Variants in AP1S3 observed in about 807,000 individuals in gnomAD.
AP1S3 encodes adaptor related protein complex 1 subunit sigma 3.
AP1S3 carries 10 observed loss-of-function variants against 20.9 expected under a neutral mutation model. The observed-to-expected ratio is 0.48, with a 90% CI of 0.29 to 0.81. The LOEUF (loss-of-function observed/expected upper bound fraction) is 0.81, where lower values mean the gene tolerates loss of function less well. AP1S3 is among the 30% of genes least tolerant of loss of function. The probability of loss-of-function intolerance (pLI) is 0.08; values close to 1 mark genes in which losing one functional copy is unlikely to be tolerated. For synonymous variants in AP1S3, 41 were observed against 61.5 expected (o/e 0.67, Z 1.56); for missense variants, 154 against 183.8 (o/e 0.84, Z 0.94).
intron 3 of AP1S3, among the ~76,000 whole-genome samples, chr2:223,774,612 A>G (rs774584436): frequency 1.6e-4 from 25 of 152,158 alleles, no homozygotes; most frequent in Non-Finnish European, 2.9e-4. Flanking sequence ...CAGAGGCATA[A>G]AAAGCCAGGT....
chr2:223,767,426 A>C (rs1426032081), intron 3 of AP1S3, among the ~76,000 whole-genome samples: 1 of 152,086 alleles, frequency 6.6e-6, no homozygotes, highest in East Asian at 1.9e-4. Context: ...GAAGTATTTA[A>C]GGTGTGCCTA....
intron 1 of AP1S3, among the ~76,000 whole-genome samples, chr2:223,786,728 C>A (rs1383817118): frequency 6.6e-6 from 1 of 151,928 alleles, no homozygotes; most frequent in Non-Finnish European, 1.5e-5. Context: ...ATGGTGAAAC[C>A]CCATAATCTC....
intron 1 of AP1S3, among the ~76,000 whole-genome samples, chr2:223,789,368 A>ACC (rs778042569): frequency 6.6e-6 from 1 of 150,658 alleles, no homozygotes; most frequent in African/African-American, 2.4e-5. Flanking sequence ...AATAAACTGG[A>ACC]CCCCCCCCAA....
chr2:223,761,140 T>C (rs1690344271), intron 4 of AP1S3, among the ~76,000 whole-genome samples: 1 of 152,162 alleles, frequency 6.6e-6, no homozygotes, highest in Admixed American at 6.5e-5. Flanking sequence ...CTTTAAAGGT[T>C]TGGGGCAGAC....
intron 1 of AP1S3, among the ~76,000 whole-genome samples, chr2:223,780,298 TATATATATATAGAGAGAG>T (rs1156949251): frequency 3.5e-4 from 19 of 53,550 alleles, no homozygotes; most frequent in African/African-American, 1.0e-3. Flanking sequence ...TATATATATA[TATATATATATAGAGAGAG>T]AGAGAGAGAG....
At chr2:223,781,568 T>C (rs183747156) in intron 1 of AP1S3, among the ~76,000 whole-genome samples, 2,010 of 152,096 alleles carry the variant, frequency 0.013, 22 homozygotes, top group Non-Finnish European at 0.019. Context: ...AGACCCCATA[T>C]CTATTTAAAA....
At chr2:223,829,611 T>C (rs1215836218) in intron 1 of AP1S3, among the ~76,000 whole-genome samples, 2 of 151,896 alleles carry the variant, frequency 1.3e-5, no homozygotes, top group East Asian at 3.9e-4. Flanking sequence ...GCAGAGGTTG[T>C]GATAAGCCAA....
At chr2:223,783,755 G>C (rs1204287248) in intron 1 of AP1S3, among the ~76,000 whole-genome samples, 1 of 152,166 alleles carries the variant, frequency 6.6e-6, no homozygotes, top group African/African-American at 2.4e-5. Context: ...ACCCTTACCT[G>C]TCCCCAGTAT....
intron 1 of AP1S3, among the ~76,000 whole-genome samples, chr2:223,805,175 A>G (rs1559139834): frequency 6.6e-6 from 1 of 152,224 alleles, no homozygotes; most frequent in African/African-American, 2.4e-5. Context: ...GCCGAGGCTC[A>G]CGCCTCTAAT....
chr2:223,775,014 T>TCACAAATAACAGGACAAGAGTCAG (rs1690750107), intron 3 of AP1S3, among the ~76,000 whole-genome samples: 3 of 151,624 alleles, frequency 2.0e-5, no homozygotes, highest in Non-Finnish European at 2.9e-5. Flanking sequence ...AGGAGGCGCT[T>TCACAAATAACAGGACAAGAGTCAG]CAGAAATCAA....
chr2:223,803,742 T>C (rs1574714269), intron 1 of AP1S3, among the ~76,000 whole-genome samples: 1 of 150,766 alleles, frequency 6.6e-6, no homozygotes, highest in Non-Finnish European at 1.5e-5. Flanking sequence ...TAGCCGGGAG[T>C]GGTGGCGGGA....
intron 4 of AP1S3, among the ~76,000 whole-genome samples, chr2:223,762,434 G>A (rs1002952337): frequency 6.6e-6 from 1 of 151,958 alleles, no homozygotes. Context: ...CACCACACCT[G>A]GCTAATTTTT....
chr2:223,761,434 CT>C (rs1019489850), intron 4 of AP1S3, among the ~76,000 whole-genome samples: 3 of 151,910 alleles, frequency 2.0e-5, no homozygotes, highest in African/African-American at 7.3e-5. Flanking sequence ...CCCTCCCCTT[CT>C]TTTTTTTGAG....
intron 1 of AP1S3, among the ~76,000 whole-genome samples, chr2:223,786,612 T>G (rs897144479): frequency 1.4e-5 from 2 of 147,230 alleles, no homozygotes; most frequent in Non-Finnish European, 3.0e-5. Context: ...GTTATTAAAT[T>G]AAAAAAAAAA....
In AP1S3 at chr2:223,800,402, C is replaced by T. The variant is rs140949472; in HGVS notation, c.4-22533G>A. Among the ~76,000 whole-genome samples the T allele has an allele frequency of 2.0e-4, 30 of 152,058 alleles. No individual in the cohort carries two copies. In the East Asian group the frequency reaches 5.4e-3, roughly 27 times the overall value. On this transcript the variant is annotated intron_variant, in intron 1 of 4. Transcript: ENST00000396654. The stretch of plus-strand genomic sequence containing the variant: ...AAATAAATAGCCAGGCATGGTGACG[C>T]ACACTTGTAGTACTACATACTCAGG...
At chr2:223,780,290 TATATATATATATATATATAGAGAGAG>T (rs1559280615) in intron 1 of AP1S3, among the ~76,000 whole-genome samples, 4 of 42,958 alleles carry the variant, frequency 9.3e-5, no homozygotes, top group East Asian at 7.4e-4. Context: ...TATATATATA[TATATATATATATATATATAGAGAGAG>T]AGAGAGAGAG....
chr2:223,793,179 C>A (rs1691248905), intron 1 of AP1S3, among the ~76,000 whole-genome samples: 1 of 152,154 alleles, frequency 6.6e-6, no homozygotes, highest in African/African-American at 2.4e-5. Flanking sequence ...CCTCAAAGAC[C>A]TACAGGCAGA....
intron 4 of AP1S3, 28 bp downstream of exon 4, chr2:223,765,185 C>A (rs1362432348): frequency 1.3e-6 from 2 of 1,485,618 alleles, no homozygotes; most frequent in Admixed American, 2.0e-5. Context: ...CATCATCTTT[C>A]TCCCATGGTT....
intron 1 of AP1S3, among the ~76,000 whole-genome samples, chr2:223,785,015 T>C (rs1023934677): frequency 6.6e-6 from 1 of 152,270 alleles, no homozygotes; most frequent in East Asian, 1.9e-4. Flanking sequence ...TACTAAATAG[T>C]TTCAACAAAG....
Sources: allele counts gnomAD v4.1 joint callset (sites outside exome capture counted in the v4.1 genomes callset), GRCh38; gene constraint gnomAD v4.1.1; transcripts MANE v1.5; gene names NCBI Gene and HGNC (gene_info 2026-07-23, HGNC 2026-07-21).